Variants in ZFAND3 observed in about 807,000 individuals in gnomAD.
ZFAND3 encodes zinc finger AN1-type containing 3.
A neutral mutation model predicts 29.6 loss-of-function variants in ZFAND3; 10 were observed. That is an observed-to-expected ratio of 0.34 (90% CI 0.21 to 0.57). The LOEUF (loss-of-function observed/expected upper bound fraction) is 0.57. ZFAND3 is among the 20% of genes least tolerant of loss of function. ZFAND3 has a pLI of 0.86. For synonymous variants in ZFAND3, 128 were observed against 112.6 expected (o/e 1.14, Z -0.87); for missense variants, 230 against 304.5 (o/e 0.76, Z 1.82).
chr6:38,061,287 A>G (rs568012778), intron 2 of ZFAND3, among the ~76,000 whole-genome samples: 25 of 152,076 alleles, frequency 1.6e-4, no homozygotes, highest in Non-Finnish European at 3.2e-4. Flanking sequence ...ACTATTCTTT[A>G]TTCCCTTTTT....
chr6:38,023,814 G>A (rs1368108947), intron 2 of ZFAND3, among the ~76,000 whole-genome samples: 12 of 152,222 alleles, frequency 7.9e-5, no homozygotes, highest in Admixed American at 3.3e-4. Flanking sequence ...TCTCTGATAC[G>A]TCCTATCACT....
At chr6:37,833,947 C>T (rs529221203) in intron 1 of ZFAND3, among the ~76,000 whole-genome samples, 9 of 152,218 alleles carry the variant, frequency 5.9e-5, no homozygotes, top group African/African-American at 2.2e-4. Flanking sequence ...CACACAGCCT[C>T]CCCTACTATC....
chr6:38,112,405 A>G (rs1562003867), intron 4 of ZFAND3, among the ~76,000 whole-genome samples: 1 of 152,240 alleles, frequency 6.6e-6, no homozygotes, highest in Non-Finnish European at 1.5e-5. Context: ...CCTGCTACTA[A>G]TGAGCATGCT....
chr6:37,876,883 G>A (rs1310295663), intron 1 of ZFAND3, among the ~76,000 whole-genome samples: 1 of 152,170 alleles, frequency 6.6e-6, no homozygotes, highest in African/African-American at 2.4e-5. Flanking sequence ...TATTTTCGAT[G>A]TTTAGTTGTT....
chr6:38,047,047 G>T lies in ZFAND3; in HGVS notation c.113-14546G>T, dbSNP rs77400363. On this transcript the variant is annotated intron_variant, in intron 2 of 5. Coordinates refer to ENST00000287218, the MANE Select transcript of ZFAND3 (RefSeq NM_021943.3). ...TGTTTGAAATACGACTTCTGGCCAGGTGCGGTGGTTCACCCCTGTAATCCC... is the reference window on the plus strand; with the variant it reads ...TGTTTGAAATACGACTTCTGGCCAGTTGCGGTGGTTCACCCCTGTAATCCC... 0.017 allele frequency among the ~76,000 whole-genome samples: 2,526 copies of T among 152,070 alleles called. 254 individuals carry two copies. The East Asian group carries it at 0.28, about 17-fold the overall frequency.
intron 1 of ZFAND3, among the ~76,000 whole-genome samples, chr6:37,861,253 T>A (rs1203272353): frequency 1.3e-5 from 2 of 151,972 alleles, no homozygotes; most frequent in Non-Finnish European, 1.5e-5. Flanking sequence ...CTAGGCTGTG[T>A]CTCAAAAAAT....
At chr6:38,008,680 C>A (rs1763092747) in intron 2 of ZFAND3, among the ~76,000 whole-genome samples, 1 of 151,966 alleles carries the variant, frequency 6.6e-6, no homozygotes, top group Non-Finnish European at 1.5e-5. Context: ...TCCCTTTGTC[C>A]CCACCCCATT....
chr6:38,142,723 G>A (rs1765989200), intron 5 of ZFAND3, among the ~76,000 whole-genome samples: 1 of 152,186 alleles, frequency 6.6e-6, no homozygotes, highest in Non-Finnish European at 1.5e-5. Flanking sequence ...CGCCAGCAGT[G>A]CAGGTGCCTC....
intron 3 of ZFAND3, among the ~76,000 whole-genome samples, chr6:38,077,407 G>T (rs1416012663): frequency 6.6e-6 from 1 of 152,068 alleles, no homozygotes; most frequent in African/African-American, 2.4e-5. Context: ...GCCTTTAGTT[G>T]ATAAAATAAT....
At chr6:38,097,241 A>G (rs1764999963) in intron 4 of ZFAND3, among the ~76,000 whole-genome samples, 1 of 141,326 alleles carries the variant, frequency 7.1e-6, no homozygotes, top group Non-Finnish European at 1.5e-5. Context: ...ACACCCGGTT[A>G]ATTTTTCATT....
At chr6:37,905,888 A>G (rs1561929065) in intron 1 of ZFAND3, among the ~76,000 whole-genome samples, 1 of 152,142 alleles carries the variant, frequency 6.6e-6, no homozygotes, top group African/African-American at 2.4e-5. Context: ...CAGTGTAGCA[A>G]GTGTTCAGTA....
intron 2 of ZFAND3, among the ~76,000 whole-genome samples, chr6:37,935,051 A>G (rs116554143): frequency 9.9e-5 from 15 of 152,246 alleles, no homozygotes; most frequent in African/African-American, 3.6e-4. Context: ...TTGTGTAGGT[A>G]GAGAAGCCTG....
chr6:38,114,185 T>C lies in ZFAND3; in HGVS notation c.362-2387T>C, dbSNP rs990406110. Among the ~76,000 whole-genome samples, 4 of 152,212 alleles carry C rather than the reference T, an allele frequency of 2.6e-5. No individual in the cohort carries two copies. The East Asian group carries it at 5.8e-4, about 22-fold the overall frequency. ...AAAAAACATTTTTTGTTACAGTTTTTACCCTAGAATTTTCTTGTTACAAAA... is the reference window on the plus strand; with the variant it reads ...AAAAAACATTTTTTGTTACAGTTTTCACCCTAGAATTTTCTTGTTACAAAA... On this transcript the variant is annotated intron_variant, in intron 4 of 5. Transcript: ENST00000287218.
In ZFAND3 at chr6:38,075,901, G is replaced by A. The variant is rs571190583; in HGVS notation, c.296-6491G>A. On this transcript the variant is annotated intron_variant, in intron 3 of 5. Coordinates refer to ENST00000287218, the MANE Select transcript of ZFAND3 (RefSeq NM_021943.3). ...CGACTAGCTGAGACTACAGGCGCCC[G>A]CCACCACACCCAACTAATTTTTTTG... 7.2e-5 allele frequency among the ~76,000 whole-genome samples: 11 copies of A among 152,108 alleles called. No homozygotes were observed. In the East Asian group the frequency reaches 1.2e-3, roughly 16 times the overall value.
chr6:38,127,819 G>C (rs560237165), intron 5 of ZFAND3, among the ~76,000 whole-genome samples: 10 of 152,208 alleles, frequency 6.6e-5, no homozygotes, highest in Non-Finnish European at 1.0e-4. Flanking sequence ...AAGGCCTGCT[G>C]AAGAGTTTCT....
chr6:37,998,604 A>G (rs1323500001), intron 2 of ZFAND3, among the ~76,000 whole-genome samples: 3 of 152,196 alleles, frequency 2.0e-5, no homozygotes, highest in Non-Finnish European at 2.9e-5. Context: ...CTGAAAGACT[A>G]AAGGCAAAAG....
chr6:38,106,733 T>G (rs939027076), intron 4 of ZFAND3, among the ~76,000 whole-genome samples: 1 of 152,142 alleles, frequency 6.6e-6, no homozygotes, highest in African/African-American at 2.4e-5. Context: ...CCTTCTGGAT[T>G]GGGGCCACCT....
chr6:38,058,659 T>G (rs993749082), intron 2 of ZFAND3, among the ~76,000 whole-genome samples: 3 of 152,184 alleles, frequency 2.0e-5, no homozygotes, highest in Non-Finnish European at 4.4e-5. Context: ...TTGGGCCATC[T>G]TGGTGATCAC....
In ZFAND3 at chr6:38,133,368, G is replaced by A. The variant is rs573710842; in HGVS notation, c.529+16629G>A. Among the ~76,000 whole-genome samples the A allele has an allele frequency of 1.7e-4, 26 of 152,202 alleles. 1 individual carries two copies. The South Asian group carries it at 5.2e-3, about 30-fold the overall frequency. On this transcript the variant is annotated intron_variant, in intron 5 of 5. Coordinates refer to ENST00000287218, the MANE Select transcript of ZFAND3 (RefSeq NM_021943.3). ...TGCGTCTTGCAGTTGTGATCATCTG[G>A]GTGAAGGAAAAAGAGGAATAGCTTT...
Sources: gnomAD v4.1 joint callset for allele counts (sites outside exome capture counted in the v4.1 genomes callset) on GRCh38, gnomAD v4.1.1 for gene constraint, MANE v1.5 for transcripts, NCBI Gene and HGNC (gene_info 2026-07-23, HGNC 2026-07-21) for gene names.